MVB12B: variants seen among roughly 807,000 people sequenced by gnomAD.
MVB12B encodes multivesicular body subunit 12B, also known as ESCRT-I complex subunit MVB12B.
In MVB12B, 16 loss-of-function variants were observed where a neutral mutation model predicts 41.6. That is an observed-to-expected ratio of 0.38 (90% CI 0.26 to 0.58). The LOEUF (loss-of-function observed/expected upper bound fraction) is 0.58, where lower values mean the gene tolerates loss of function less well. MVB12B is among the 20% of genes least tolerant of loss of function. MVB12B has a pLI of 0.62. For missense variants in MVB12B, 274 were observed against 380.2 expected, an observed-to-expected ratio of 0.72 and a Z score of 2.32; for synonymous variants, 133 against 139.7, an observed-to-expected ratio of 0.95 and a Z score of 0.34.
intron 1 of MVB12B, among the ~76,000 whole-genome samples, chr9:126,327,855 A>G (rs761200897): frequency 2.6e-5 from 4 of 152,152 alleles, no homozygotes; most frequent in Non-Finnish European, 4.4e-5. Flanking sequence ...CAAAAGGCAA[A>G]TGGTGGTTGC....
intron 7 of MVB12B, among the ~76,000 whole-genome samples, chr9:126,432,933 C>T (rs914408419): frequency 4.6e-5 from 7 of 152,198 alleles, no homozygotes; most frequent in African/African-American, 1.4e-4. Context: ...CTCACGTGGG[C>T]CCCTGGATGA....
At position 126,386,482 on chromosome 9, in the gene MVB12B, T is replaced by G; in HGVS notation, c.313-80T>G. ...GCTGCACGAGTCATTGTGTTAAATATGCATCTGGAAGCCAAAATGGCAAAC... is the reference window on the plus strand; with the variant it reads ...GCTGCACGAGTCATTGTGTTAAATAGGCATCTGGAAGCCAAAATGGCAAAC... On this transcript the variant is annotated intron_variant, in intron 3 of 9. Transcript: ENST00000361171. The surrounding 1 kb of genome is among the most constrained non-coding windows in gnomAD (Gnocchi z 4.3). 2 of 901,146 alleles carry G rather than the reference T, an allele frequency of 2.2e-6. No homozygotes were observed. The highest frequency in any genetic ancestry group is 3.7e-6 in the Non-Finnish European group (2 of 547,032). The allele number at this position is 901,146 out of a possible 1,614,324, so 55.8% of individuals were successfully genotyped here. A position where few individuals can be genotyped will look rare whatever the true frequency, so the allele number is the denominator to read the frequency against.
chr9:126,346,321 G>A (rs113738075), intron 2 of MVB12B, among the ~76,000 whole-genome samples: 23 of 152,236 alleles, frequency 1.5e-4, no homozygotes, highest in African/African-American at 5.1e-4. Context: ...AGCGTGGGAC[G>A]TGGGAACCCA....
At chr9:126,460,720 G>A (rs1485168876) in intron 7 of MVB12B, among the ~76,000 whole-genome samples, 3 of 152,088 alleles carry the variant, frequency 2.0e-5, no homozygotes, top group Non-Finnish European at 4.4e-5. Context: ...GGGGAGGAGG[G>A]CAAGTTCCAG....
intron 9 of MVB12B, among the ~76,000 whole-genome samples, chr9:126,501,530 G>A (rs10987307): frequency 2.0e-5 from 3 of 152,354 alleles, no homozygotes; most frequent in East Asian, 1.9e-4. Context: ...ACTCGGGTCT[G>A]TCCATCTGTC....
chr9:126,347,361 T>G (rs1829625128), intron 2 of MVB12B, among the ~76,000 whole-genome samples: 1 of 152,128 alleles, frequency 6.6e-6, no homozygotes, highest in African/African-American at 2.4e-5. Flanking sequence ...TGCTCCTGCC[T>G]CCCCCCATGT....
In MVB12B at chr9:126,480,056, G is replaced by A. The variant is rs1420562439; in HGVS notation, c.758-1313G>A. ...AAGTCATCATTCCAGGAGACACTGG[G>A]GGAAGCAAAGATTGTTGGTCCCAGG... On this transcript the variant is annotated intron_variant, in intron 7 of 9. Coordinates refer to ENST00000361171, the MANE Select transcript of MVB12B (RefSeq NM_033446.3). This position sits in a 1 kb window ranked among gnomAD's most constrained non-coding sequence, Gnocchi z 4.9. Among the ~76,000 whole-genome samples, 1 of 152,162 alleles carries A rather than the reference G, an allele frequency of 6.6e-6. No homozygotes were observed. The highest frequency in any genetic ancestry group is 1.5e-5 in the Non-Finnish European group (1 of 68,034).
At chr9:126,381,730 A>G (rs1382911232) in intron 3 of MVB12B, among the ~76,000 whole-genome samples, 2 of 151,984 alleles carry the variant, frequency 1.3e-5, no homozygotes, top group Non-Finnish European at 2.9e-5. Context: ...AAAGATACCT[A>G]CTAAGGTTTT....
At chr9:126,490,004 G>A (rs978011472) in intron 9 of MVB12B, among the ~76,000 whole-genome samples, 1 of 152,150 alleles carries the variant, frequency 6.6e-6, no homozygotes, top group East Asian at 1.9e-4. Context: ...AAGCCCTTAC[G>A]GTTCTCCAGA....
chr9:126,331,214 T>G (rs1043618735), intron 1 of MVB12B, among the ~76,000 whole-genome samples: 7 of 152,238 alleles, frequency 4.6e-5, no homozygotes, highest in African/African-American at 1.7e-4. Flanking sequence ...CTGTGCCATT[T>G]TACATTCCCA....
intron 9 of MVB12B, among the ~76,000 whole-genome samples, chr9:126,498,133 G>T (rs996866077): frequency 2.0e-5 from 3 of 152,204 alleles, no homozygotes; most frequent in Non-Finnish European, 4.4e-5. Flanking sequence ...TCATCTTCAG[G>T]AAACAGATGA....
chr9:126,476,733 C>T (rs1244729817), intron 7 of MVB12B, among the ~76,000 whole-genome samples: 17 of 151,604 alleles, frequency 1.1e-4, no homozygotes, highest in Admixed American at 9.8e-4. Flanking sequence ...AAAAATTAGC[C>T]GGGCATGGTG....
chr9:126,328,770 T>A (rs1234185920), intron 1 of MVB12B, among the ~76,000 whole-genome samples: 1 of 151,192 alleles, frequency 6.6e-6, no homozygotes, highest in East Asian at 1.9e-4. Context: ...AGTTTCTTTC[T>A]GTCTGCTTTT....
At position 126,421,790 on chromosome 9, in the gene MVB12B, G is replaced by A. The variant is rs2119090310; in HGVS notation, c.663-64G>A. ...TGCATTTCAGCTGTTGATGGCGTCA[G>A]TGCTTCCTGAGTCTTGGGGAATGCT... On this transcript the variant is annotated intron_variant, in intron 6 of 9. Coordinates refer to ENST00000361171, the MANE Select transcript of MVB12B (RefSeq NM_033446.3). 3.3e-5 allele frequency: 42 copies of A among 1,282,442 alleles called. 2 individuals carry two copies. In the South Asian group the frequency reaches 5.0e-4, roughly 15 times the overall value. 79.4% of individuals were successfully genotyped at this position (1,282,442 alleles called of 1,614,324 possible).
At chr9:126,331,714 C>G (rs1397009838) in intron 1 of MVB12B, among the ~76,000 whole-genome samples, 4 of 152,210 alleles carry the variant, frequency 2.6e-5, no homozygotes, top group Admixed American at 2.6e-4. Context: ...TAAGGTTGTA[C>G]AGTAAGTGTC....
intron 9 of MVB12B, among the ~76,000 whole-genome samples, chr9:126,493,174 CCT>C (rs1449737749): frequency 5.3e-5 from 8 of 151,978 alleles, no homozygotes; most frequent in Admixed American, 3.3e-4. Flanking sequence ...AACATTCACC[CCT>C]GTTTTCCCTT....
intron 7 of MVB12B, among the ~76,000 whole-genome samples, chr9:126,450,856 G>T (rs1355214530): frequency 6.6e-6 from 1 of 152,222 alleles, no homozygotes; most frequent in African/African-American, 2.4e-5. Context: ...TCAGGGCTGG[G>T]TTTTGGGAGG....
At chr9:126,384,646 A>G (rs1474124206) in intron 3 of MVB12B, among the ~76,000 whole-genome samples, 1 of 152,054 alleles carries the variant, frequency 6.6e-6, no homozygotes, top group Non-Finnish European at 1.5e-5. Flanking sequence ...CTCCTGCCTC[A>G]GCCTCCCAAG....
chr9:126,423,342 C>T (rs1049558045), intron 7 of MVB12B, among the ~76,000 whole-genome samples: 2 of 152,216 alleles, frequency 1.3e-5, no homozygotes, highest in Non-Finnish European at 2.9e-5. Flanking sequence ...GAAAGAGCCA[C>T]AGAGTGAAAT....
Sources: gnomAD v4.1 joint callset for allele counts (sites outside exome capture counted in the v4.1 genomes callset) on GRCh38, gnomAD v4.1.1 for gene constraint, Gnocchi (gnomAD v3.1) non-coding constraint, MANE v1.5 for transcripts, NCBI Gene and HGNC (gene_info 2026-07-23, HGNC 2026-07-21) for gene names.